The following CSMD1 variants were observed in gnomAD, a reference collection of about 807,000 sequenced individuals.
CSMD1 encodes the protein CUB and sushi domain-containing protein 1.
A neutral mutation model predicts 417.5 loss-of-function variants in CSMD1; 213 were observed. The observed-to-expected ratio is 0.51, with a 90% CI of 0.46 to 0.57. CSMD1 has a LOEUF of 0.57. CSMD1 is among the 20% of genes least tolerant of loss of function. The probability of loss-of-function intolerance (pLI) is 0.00; values close to 1 mark genes in which losing one functional copy is unlikely to be tolerated. For missense variants in CSMD1, 6,923 were observed against 4,529.7 expected (o/e 1.53, Z -15.17); for synonymous variants, 2,862 against 1,736.8 (o/e 1.65, Z -16.11).
intron 1 of CSMD1, among the ~76,000 whole-genome samples, chr8:4,981,014 A>G (rs1810859558): frequency 6.6e-6 from 1 of 152,184 alleles, no homozygotes; most frequent in Non-Finnish European, 1.5e-5. Context: ...TATTTCACTT[A>G]GAGAAGGTTG....
At chr8:4,481,987 T>C (rs10106998) in intron 2 of CSMD1, among the ~76,000 whole-genome samples, 106,072 of 152,074 alleles carry the variant, frequency 0.7, 39,334 homozygotes, top group Non-Finnish European at 0.83. Flanking sequence ...ATATAGGCTT[T>C]ATCAGTACAA....
intron 8 of CSMD1, among the ~76,000 whole-genome samples, chr8:3,594,455 C>A (rs993275409): frequency 3.3e-5 from 5 of 151,978 alleles, no homozygotes; most frequent in African/African-American, 9.7e-5. Context: ...GATTAAAAAA[C>A]CACCACAGCA....
In CSMD1 at chr8:3,340,174, G is replaced by C. The variant is rs148738641; in HGVS notation, c.3631+3120C>G. ...TTCTGGTATTCAGTTAGAAGGCCTG[G>C]ATTTGGGTTGCAATTACACCACTCC... is the stretch of plus-strand genomic sequence containing the variant. On this transcript the variant is annotated intron_variant, in intron 23 of 69. Coordinates refer to ENST00000635120, the MANE Select transcript of CSMD1 (RefSeq NM_033225.6). Among the ~76,000 whole-genome samples, 498 of 152,244 alleles carry C rather than the reference G, an allele frequency of 3.3e-3. 2 individuals are homozygous for C. Among genetic ancestry groups the C allele is most frequent in the African/African-American group, 0.012 (483 of 41,550 alleles).
chr8:3,344,018 C>G (rs950458144), intron 22 of CSMD1, among the ~76,000 whole-genome samples: 3 of 152,086 alleles, frequency 2.0e-5, no homozygotes, highest in Non-Finnish European at 4.4e-5. Context: ...AATAGTAATA[C>G]AGAAGTGTGA....
intron 7 of CSMD1, among the ~76,000 whole-genome samples, chr8:3,668,444 G>A (rs1279293009): frequency 1.3e-5 from 2 of 152,130 alleles, no homozygotes; most frequent in African/African-American, 4.8e-5. Flanking sequence ...AGAGATGAGG[G>A]TTTATTCAGG....
At chr8:4,806,209 C>G (rs1295025312) in intron 1 of CSMD1, among the ~76,000 whole-genome samples, 1 of 152,206 alleles carries the variant, frequency 6.6e-6, no homozygotes, top group African/African-American at 2.4e-5. Context: ...ACCACCAGCT[C>G]TCTAGGTGCA....
At chr8:4,069,843 C>T (rs1360992544) in intron 3 of CSMD1, among the ~76,000 whole-genome samples, 1 of 152,156 alleles carries the variant, frequency 6.6e-6, no homozygotes, top group South Asian at 2.1e-4. Flanking sequence ...ATGAAGACTT[C>T]TACAAAAGTC....
At chr8:3,670,659 G>T (rs573797421) in intron 7 of CSMD1, among the ~76,000 whole-genome samples, 81 of 134,044 alleles carry the variant, frequency 6.0e-4, no homozygotes, top group East Asian at 1.7e-3. Flanking sequence ...TATATACATG[G>T]GATATATGTA....
chr8:4,630,767 T>C (rs1228681921), intron 2 of CSMD1, among the ~76,000 whole-genome samples: 1 of 152,064 alleles, frequency 6.6e-6, no homozygotes, highest in Non-Finnish European at 1.5e-5. Context: ...TAAGCATTGA[T>C]GGGTTTCTGT....
chr8:3,901,719 C>A (rs754606294), intron 5 of CSMD1, among the ~76,000 whole-genome samples: 4 of 152,192 alleles, frequency 2.6e-5, no homozygotes, highest in Admixed American at 2.6e-4. Flanking sequence ...AAGAATGGAA[C>A]AACTGTCTTT....
intron 10 of CSMD1, among the ~76,000 whole-genome samples, chr8:3,544,279 A>C (rs180941250): frequency 1.8e-3 from 270 of 152,318 alleles, no homozygotes; most frequent in African/African-American, 6.2e-3. Context: ...GAGCGTTCTT[A>C]ATTTTGCTTT....
At chr8:4,859,499 G>C (rs561282748) in intron 1 of CSMD1, among the ~76,000 whole-genome samples, 2 of 152,022 alleles carry the variant, frequency 1.3e-5, no homozygotes, top group Non-Finnish European at 2.9e-5. Flanking sequence ...GAAAATTCTC[G>C]CAACCTACTC....
intron 3 of CSMD1, among the ~76,000 whole-genome samples, chr8:4,162,848 A>G (rs1354511549): frequency 6.6e-6 from 1 of 152,178 alleles, no homozygotes; most frequent in Non-Finnish European, 1.5e-5. Context: ...TCACCATTGC[A>G]GTATCACACT....
intron 3 of CSMD1, among the ~76,000 whole-genome samples, chr8:4,133,803 C>T (rs977990634): frequency 1.3e-5 from 2 of 152,262 alleles, no homozygotes; most frequent in African/African-American, 2.4e-5. Context: ...AGCCATGCCA[C>T]TCTGACCATG....
At chr8:4,061,921 C>A (rs551924000) in intron 3 of CSMD1, among the ~76,000 whole-genome samples, 1 of 152,230 alleles carries the variant, frequency 6.6e-6, no homozygotes, top group East Asian at 1.9e-4. Context: ...ATCAATTATG[C>A]ATTACTGACT....
At chr8:4,966,669 T>G (rs990380933) in intron 1 of CSMD1, among the ~76,000 whole-genome samples, 23 of 152,196 alleles carry the variant, frequency 1.5e-4, no homozygotes, top group African/African-American at 5.5e-4. Context: ...CAAGTTAAAA[T>G]TTATAATTAA....
At chr8:4,360,955 G>A (rs181029864) in intron 3 of CSMD1, among the ~76,000 whole-genome samples, 1 of 152,158 alleles carries the variant, frequency 6.6e-6, no homozygotes, top group Non-Finnish European at 1.5e-5. Context: ...CATGGGACTT[G>A]AGGAATACTT....
intron 2 of CSMD1, among the ~76,000 whole-genome samples, chr8:4,577,366 C>T (rs771724006): frequency 2.6e-5 from 4 of 152,152 alleles, no homozygotes; most frequent in Non-Finnish European, 5.9e-5. Context: ...GAATTACCTT[C>T]TAAACCTGTG....
chr8:4,055,565 G>C (rs1298264676), intron 3 of CSMD1, among the ~76,000 whole-genome samples: 1 of 140,802 alleles, frequency 7.1e-6, no homozygotes, highest in Admixed American at 6.8e-5. Context: ...ATATAAAGAA[G>C]AAGAGTCAAA....
Sources: gnomAD v4.1 joint callset for allele counts (sites outside exome capture counted in the v4.1 genomes callset) on GRCh38, gnomAD v4.1.1 for gene constraint, MANE v1.5 for transcripts, NCBI Gene and HGNC (gene_info 2026-07-23, HGNC 2026-07-21) for gene names.